Variants in USP42 observed in about 807,000 individuals in gnomAD.
USP42 encodes ubiquitin carboxyl-terminal hydrolase 42.
In USP42, 23 loss-of-function variants were observed where a neutral mutation model predicts 113.0. That is an observed-to-expected ratio of 0.20 (90% confidence interval 0.15 to 0.29). The LOEUF (loss-of-function observed/expected upper bound fraction) is 0.29, where lower values mean the gene tolerates loss of function less well. Ranked by LOEUF, USP42 falls within the 10% of genes least tolerant of loss-of-function variation. The pLI is 1.00. For synonymous variants in USP42, 933 were observed against 699.0 expected (o/e 1.33, Z -5.28); for missense variants, 2,174 against 1,779.8 (o/e 1.22, Z -3.99).
chr7:6,148,490 T>C (rs1439094364), intron 12 of USP42, among the ~76,000 whole-genome samples: 1 of 152,268 alleles, frequency 6.6e-6, no homozygotes, highest in East Asian at 1.9e-4. Context: ...TGGAGATTCT[T>C]TAATTCCTGT....
chr7:6,160,383 G>A (rs1246758778), intron 17 of USP42, among the ~76,000 whole-genome samples, 172 bp from the exon 18 acceptor site: 1 of 151,684 alleles, frequency 6.6e-6, no homozygotes, highest in Non-Finnish European at 1.5e-5. Flanking sequence ...TGGCTGAGCT[G>A]CCCGCACCGC....
chr7:6,136,152 G>C (rs1052925061), intron 4 of USP42, among the ~76,000 whole-genome samples: 5 of 151,898 alleles, frequency 3.3e-5, no homozygotes, highest in African/African-American at 4.8e-5. Context: ...TCACAGGCGT[G>C]TACCACTATG....
At position 6,111,152 on chromosome 7, in the gene USP42, G is replaced by C; in HGVS notation, c.19G>C (p.Ala7Pro). The C allele has an allele frequency of 1.2e-6, 2 of 1,612,550 alleles. No homozygotes were observed. The highest frequency in any genetic ancestry group is 1.7e-6 in the Non-Finnish European group (2 of 1,178,906). The change falls in exon 2 of 18, where the codon GCT (alanine) becomes CCT (proline). Residue 7 changes from alanine (A) to proline (P), a missense_variant. By Grantham distance (27) the Ala-to-Pro change is conservative. Coordinates refer to ENST00000306177, the MANE Select transcript of USP42 (RefSeq NM_032172.3). Reference protein sequence around the residue: MTIVDKASESSDPSAYQ... With the variant: MTIVDKPSESSDPSAYQ... ...TTGAACAATGACCATAGTTGACAAA[G>C]CTTCTGAATCTTCAGACCCATCAGC... is the stretch of plus-strand genomic sequence containing the variant.
intron 3 of USP42, among the ~76,000 whole-genome samples, chr7:6,128,442 C>G (rs1780660984): frequency 6.6e-6 from 1 of 152,006 alleles, no homozygotes; most frequent in East Asian, 1.9e-4. Flanking sequence ...TTTTTCCCTG[C>G]TTTGTTTTGA....
chr7:6,141,668 CCT>C (rs764239924), intron 7 of USP42, among the ~76,000 whole-genome samples: 21 of 151,986 alleles, frequency 1.4e-4, no homozygotes, highest in Non-Finnish European at 2.2e-4. Flanking sequence ...AAGCATTTCC[CCT>C]GTCTCAGCCT....
At chr7:6,113,390 A>G (rs1051509928) in intron 2 of USP42, among the ~76,000 whole-genome samples, 4 of 152,062 alleles carry the variant, frequency 2.6e-5, no homozygotes, top group Admixed American at 2.0e-4. Flanking sequence ...ACCTCCTGTC[A>G]TGTTGCTGGG....
At chr7:6,097,505 C>G in the USP42 span, among the ~76,000 whole-genome samples, 7 of 149,788 alleles carry the variant, frequency 4.7e-5, 1 homozygote, top group African/African-American at 1.0e-4. Context: ...TTCCTGGCCT[C>G]AAGTGATCCT....
intron 11 of USP42, among the ~76,000 whole-genome samples, chr7:6,147,491 A>T (rs11543689): frequency 0.066 from 10,090 of 152,268 alleles, 795 homozygotes; most frequent in East Asian, 0.43. Flanking sequence ...CTTTCAGATG[A>T]AACAGCATCT....
chr7:6,100,682 C>CTTTT (rs1228529787), upstream of USP42, among the ~76,000 whole-genome samples: 97 of 130,152 alleles, frequency 7.5e-4, 1 homozygote, highest in East Asian at 0.013. Flanking sequence ...TATCCACTGT[C>CTTTT]TTTTTTTTTT....
At chr7:6,082,675 A>G in the USP42 span, among the ~76,000 whole-genome samples, 1 of 123,362 alleles carries the variant, frequency 8.1e-6, no homozygotes, top group Admixed American at 1.1e-4. Flanking sequence ...CAGTGGCATG[A>G]TCTTGGCTCA....
Position 6,154,364 on chromosome 7 carries a change from C to G in USP42, c.2810C>G (p.Pro937Arg). The part of the protein sequence containing the change: ...AAAPKAPGPS[P>R]AKEKIGSLRK... ...GCGCCGAAAGCCCCAGGCCCTTCCC[C>G]AGCGAAGGAGAAAATCGGCAGCCTC... Residue 937 changes from proline to arginine, a missense_variant, in exon 15 of 18, where the codon CCA (proline) becomes CGA (arginine). By Grantham distance (103) the Pro-to-Arg change is moderately radical. Transcript: ENST00000306177. 1 of 1,575,134 alleles carries G rather than the reference C, an allele frequency of 6.3e-7. No homozygotes were observed. The highest frequency in any genetic ancestry group is 8.6e-7 in the Non-Finnish European group (1 of 1,161,942).
In USP42 at chr7:6,158,560, C is replaced by A. The variant is rs1221882469; in HGVS notation, c.3944-890C>A. On this transcript the variant is annotated intron_variant, in intron 16 of 17. Coordinates refer to ENST00000306177, the MANE Select transcript of USP42 (RefSeq NM_032172.3). The surrounding 1 kb of genome is among the most constrained non-coding windows in gnomAD (Gnocchi z 4.2). ...GGTCCTTAGAGTGTGTGAGAGAGAGCTGGGGGTTGCGGGGTGAGCCCCATG... is the reference window on the plus strand; with the variant it reads ...GGTCCTTAGAGTGTGTGAGAGAGAGATGGGGGTTGCGGGGTGAGCCCCATG... Among the ~76,000 whole-genome samples, 1 of 152,148 alleles carries A rather than the reference C, an allele frequency of 6.6e-6. No individual in the cohort carries two copies. Among genetic ancestry groups the A allele is most frequent in the Non-Finnish European group, 1.5e-5 (1 of 68,014 alleles).
Position 6,154,442 on chromosome 7 carries a change from G to GGGAGCCCGCCAGAGA in USP42, c.2890_2904dup (p.Glu964_Glu968dup). 6.4e-7 allele frequency: 1 copy of GGGAGCCCGCCAGAGA among 1,568,722 alleles called. No homozygotes were observed. The highest frequency in any genetic ancestry group is 8.6e-7 in the Non-Finnish European group (1 of 1,158,430). On this transcript the variant is annotated inframe_insertion, in exon 15 of 18. Coordinates refer to ENST00000306177, the MANE Select transcript of USP42 (RefSeq NM_032172.3). Reference sequence around the variant, plus strand: ...AGCCGGAGAGAGCGCTCGTCCAGCGGGGAGCCCGCCAGAGAGAGCAGGAGC... The same window carrying GGGAGCCCGCCAGAGA: ...AGCCGGAGAGAGCGCTCGTCCAGCGGGGAGCCCGCCAGAGAGGAGCCCGCCAGAGAGAGCAGGAGC...
chr7:6,120,458 G>A (rs148024149), intron 3 of USP42, among the ~76,000 whole-genome samples: 2,037 of 152,164 alleles, frequency 0.013, 30 homozygotes, highest in Middle Eastern at 0.061. Context: ...GGCCAGGCTG[G>A]TCTCAAACTC....
intron 1 of USP42, among the ~76,000 whole-genome samples, chr7:6,105,678 CG>C (rs1323548615): frequency 6.6e-6 from 1 of 152,212 alleles, no homozygotes; most frequent in Non-Finnish European, 1.5e-5. Context: ...GAGGAGAAGC[CG>C]GGTGGCGCGT....
chr7:6,125,853 C>CT (rs1780514097), intron 3 of USP42, among the ~76,000 whole-genome samples: 2 of 148,622 alleles, frequency 1.3e-5, no homozygotes, highest in African/African-American at 2.5e-5. Flanking sequence ...CTTTATTTTG[C>CT]TTTTTTTAAA....
Position 6,147,862 on chromosome 7 carries a change from C to A in USP42, c.1356C>A (p.Ile452=). Residue 452 remains isoleucine, a synonymous_variant, in exon 12 of 18, where the codon ATC becomes ATA. Coordinates refer to ENST00000306177, the MANE Select transcript of USP42 (RefSeq NM_032172.3). ...ACAAACAGGCTGCGCCAGGCTTTAT[C>A]GGACCACAGCTTCCCTCTCACATGA... is the stretch of plus-strand genomic sequence containing the variant. ...VTNKQAAPGF[I]GPQLPSHMIK... The A allele has an allele frequency of 3.7e-6, 6 of 1,612,204 alleles. No individual in the cohort carries two copies. The highest frequency in any genetic ancestry group is 5.1e-6 in the Non-Finnish European group (6 of 1,178,856).
the USP42 span, among the ~76,000 whole-genome samples, chr7:6,093,237 C>T: frequency 2.8e-5 from 4 of 142,304 alleles, no homozygotes; most frequent in Admixed American, 7.3e-5. Context: ...CCCTCCCTCT[C>T]TTCCTCCTTC....
At chr7:6,092,014 CTT>C in the USP42 span, among the ~76,000 whole-genome samples, 89 of 98,586 alleles carry the variant, frequency 9.0e-4, 3 homozygotes, top group African/African-American at 3.0e-3. Context: ...TCTTCTTCTT[CTT>C]CTTCTTCTTC....
Sources: gnomAD v4.1 joint callset for allele counts (sites outside exome capture counted in the v4.1 genomes callset) on GRCh38, gnomAD v4.1.1 for gene constraint, Gnocchi (gnomAD v3.1) non-coding constraint, MANE v1.5 for transcripts, NCBI Gene and HGNC (gene_info 2026-07-23, HGNC 2026-07-21) for gene names.